The following WDR35 variants were observed in gnomAD, a reference collection of about 807,000 sequenced individuals.
The protein encoded by WDR35 is WD repeat domain 35.
A neutral mutation model predicts 158.3 loss-of-function variants in WDR35; 118 were observed. The observed-to-expected ratio is 0.75, with a 90% CI of 0.64 to 0.87. The LOEUF is 0.87. Among genes scored for constraint, WDR35 ranks in the 40% least tolerant of loss-of-function variants. WDR35 has a pLI of 0.00. For missense variants in WDR35, 1,263 were observed against 1,405.8 expected (o/e 0.90, Z 1.62); for synonymous variants, 448 against 476.1 (o/e 0.94, Z 0.77).
In WDR35 at chr2:19,953,933, G is replaced by A. The variant is rs368497711; in HGVS notation, c.1301C>T (p.Ser434Leu). 4.8e-5 allele frequency: 77 copies of A among 1,614,044 alleles called. No individual in the cohort carries two copies. The highest frequency in any genetic ancestry group is 6.1e-5 in the Non-Finnish European group (72 of 1,179,996). ...TTGCCAGGTATAAAATGCTTCTTTC[G>A]AGGCTGCTATCACATGGGTTTTGGT... ...AMTKTHVIAA[S>L]KEAFYTWQYR... The change falls in exon 12 of 27, where the codon TCG becomes TTG. Residue 434 changes from serine (S) to leucine (L), a missense_variant. Ser to Leu is a moderately radical substitution (Grantham distance 145). Transcript: ENST00000281405.
At chr2:19,989,075 C>T in intron 2 of WDR35, 90 bp downstream of exon 2, 1 of 1,114,584 alleles carries the variant, frequency 9.0e-7, no homozygotes, top group African/African-American at 1.5e-5. Context: ...ATAATCAGAA[C>T]TGCATATTGA....
At position 19,966,723 on chromosome 2, in the gene WDR35, C is replaced by T. The variant is rs771895384; in HGVS notation, c.1194+1G>A. On this transcript the variant is annotated splice_donor_variant, in intron 10 of 26. Coordinates refer to ENST00000281405, the MANE Select transcript of WDR35 (RefSeq NM_020779.4). LOFTEE classifies it high-confidence loss of function. ...GTCTTAAGATATCAAGAAACACCTA[C>T]CTGAGGATGATTTTCATCAGCTTTT... is the stretch of plus-strand genomic sequence containing the variant. 7 of 1,613,428 alleles carry T rather than the reference C, an allele frequency of 4.3e-6. No individual in the cohort carries two copies. The highest frequency in any genetic ancestry group is 1.3e-5 in the African/African-American group (1 of 74,906).
At chr2:19,989,330 G>T in intron 1 of WDR35, 48 bp from the exon 2 acceptor site, 1 of 1,475,226 alleles carries the variant, frequency 6.8e-7, no homozygotes, top group Non-Finnish European at 9.5e-7. Context: ...CGAAGGAGCT[G>T]GGAAGTAAGT....
At chr2:19,950,018 GA>G (rs958834050) in intron 13 of WDR35, among the ~76,000 whole-genome samples, 6 of 152,078 alleles carry the variant, frequency 3.9e-5, no homozygotes, top group African/African-American at 1.4e-4. Flanking sequence ...TTCAGAAATT[GA>G]AAAAACTCAA....
chr2:19,952,781 CTT>C (rs773596785), intron 12 of WDR35, among the ~76,000 whole-genome samples: 49 of 86,274 alleles, frequency 5.7e-4, no homozygotes, highest in African/African-American at 2.0e-3. Context: ...ACTCAACATA[CTT>C]TTTTTTTTTT....
intron 2 of WDR35, among the ~76,000 whole-genome samples, chr2:19,984,024 TATATATATATATATATAC>T (rs1327852706): frequency 4.7e-3 from 16 of 3,384 alleles, no homozygotes; most frequent in South Asian, 0.025. Context: ...TATATATATA[TATATATATATATATATAC>T]ATATATACAC....
intron 13 of WDR35, among the ~76,000 whole-genome samples, chr2:19,950,287 T>A (rs1423031752): frequency 2.0e-5 from 3 of 152,060 alleles, no homozygotes; most frequent in Non-Finnish European, 4.4e-5. Context: ...AAATATTAAA[T>A]GTAATGTGTA....
chr2:19,961,744 A>C (rs1671667756), intron 10 of WDR35, among the ~76,000 whole-genome samples: 1 of 152,206 alleles, frequency 6.6e-6, no homozygotes, highest in East Asian at 1.9e-4. Flanking sequence ...TGAAGGGCCA[A>C]AGGACAATAA....
chr2:19,971,989 AC>A (rs1672049645), intron 8 of WDR35, among the ~76,000 whole-genome samples: 1 of 152,190 alleles, frequency 6.6e-6, no homozygotes, highest in African/African-American at 2.4e-5. Flanking sequence ...GTCAAACTAC[AC>A]TGTGGAAAAT....
chr2:19,939,419 G>T (rs377054447), intron 17 of WDR35, among the ~76,000 whole-genome samples: 2 of 151,930 alleles, frequency 1.3e-5, no homozygotes. Context: ...ATAACTACCT[G>T]GTTTTTCATA....
rs527842645 is a variant in WDR35 at position 19,915,210 on chromosome 2, T to C, written c.3122-933A>G. Among the ~76,000 whole-genome samples, 5 of 152,250 alleles carry C rather than the reference T, an allele frequency of 3.3e-5. No individual in the cohort carries two copies. In the East Asian group the frequency reaches 9.6e-4, roughly 29 times the overall value. On this transcript the variant is annotated intron_variant, in intron 25 of 26. Transcript: ENST00000281405. ...TACTTTGTTATAGTATATCAAAAACTTCATAAAACCAGTTTAAACAATATA... is the reference window on the plus strand; with the variant it reads ...TACTTTGTTATAGTATATCAAAAACCTCATAAAACCAGTTTAAACAATATA...
intron 13 of WDR35, among the ~76,000 whole-genome samples, chr2:19,948,911 C>T (rs1294593453): frequency 2.0e-5 from 3 of 149,954 alleles, no homozygotes; most frequent in Non-Finnish European, 4.4e-5. Context: ...AAGACTCTGT[C>T]TCAAAAAAAA....
Position 19,932,402 on chromosome 2 carries a change from T to C in WDR35, c.2704A>G (p.Ile902Val). Residue 902 changes from isoleucine (I) to valine (V), a missense_variant, in exon 23 of 27, where the codon ATT becomes GTT. Physicochemically the swap from Ile to Val is conservative, Grantham distance 29. Transcript: ENST00000281405. The part of the protein sequence containing the change: ...ELAKNHSMKE[I>V]GSLLARYASH... ...GCATACCTAGCTAACAGAGATCCAA[T>C]TTCTTTCATACTATGATTTTTAGCC... The C allele has an allele frequency of 6.2e-7, 1 of 1,613,360 alleles. No individual in the cohort carries two copies. Among genetic ancestry groups the C allele is most frequent in the Non-Finnish European group, 8.5e-7 (1 of 1,179,554 alleles).
rs1228739567 is a variant in WDR35, at chr2:19,966,878, G to T, written c.1040C>A (p.Ala347Glu). 6.2e-7 allele frequency: 1 copy of T among 1,613,828 alleles called. No individual in the cohort carries two copies. The highest frequency in any genetic ancestry group is 8.5e-7 in the Non-Finnish European group (1 of 1,179,876). ...WGYCSNTVVY[A>E]YTRPDRPEYC... ...TTCTGGACGATCAGGTCTGGTATAT[G>T]CATAAACTACAGTGTTTGAGCAATA... The change falls in exon 10 of 27, where the codon GCA becomes GAA. Residue 347 changes from alanine (A) to glutamate (E), a missense_variant. Transcript: ENST00000281405.
Position 19,930,447 on chromosome 2 carries a change from G to A in WDR35, c.3070C>T (p.Leu1024Phe). ...RGAEAYHFFILAQRQLYEGCV... is the reference protein window; with the variant it reads ...RGAEAYHFFIFAQRQLYEGCV... ...CCCTCATAGAGCTGCCTCTGTGCAA[G>A]TATAAAGAAGTGGTAAGCCTCTGCC... The change falls in exon 25 of 27, where the codon CTT becomes TTT. Residue 1024 changes from leucine to phenylalanine, a missense_variant. Leu to Phe is a conservative substitution (Grantham distance 22, BLOSUM62 0). Transcript: ENST00000281405. 1.2e-6 allele frequency: 2 copies of A among 1,614,140 alleles called. No individual in the cohort carries two copies. Among genetic ancestry groups the A allele is most frequent in the Non-Finnish European group, 1.7e-6 (2 of 1,180,010 alleles).
chr2:19,973,870 G>A (rs1385052837), intron 7 of WDR35, among the ~76,000 whole-genome samples, 162 bp from the exon 8 acceptor site: 1 of 152,252 alleles, frequency 6.6e-6, no homozygotes, highest in Non-Finnish European at 1.5e-5. Flanking sequence ...CACTTTAGGA[G>A]GCTGAGGCGG....
rs1180420413 is a variant in WDR35, at chr2:19,953,989, T to C, written c.1256-11A>G. The C allele has an allele frequency of 1.2e-6, 2 of 1,613,900 alleles. No individual in the cohort carries two copies. Among genetic ancestry groups the C allele is most frequent in the Admixed American group, 3.3e-5 (2 of 60,004 alleles). On this transcript the variant is annotated splice_polypyrimidine_tract_variant and intron_variant, in intron 11 of 26. Coordinates refer to ENST00000281405, the MANE Select transcript of WDR35 (RefSeq NM_020779.4). ...CAACAAACAATGGTACTGTTAAAAA[T>C]AACATTAAGATAATTTACAGTTACA...
chr2:19,949,712 A>G (rs1465601976), intron 13 of WDR35, among the ~76,000 whole-genome samples: 1 of 152,234 alleles, frequency 6.6e-6, no homozygotes, highest in Non-Finnish European at 1.5e-5. Flanking sequence ...TATTGCAGTG[A>G]CCTAGGCAGA....
rs1264147072 is a variant in WDR35, at chr2:19,952,812, G to T, written c.1400+1022C>A. 4.4e-5 allele frequency among the ~76,000 whole-genome samples: 5 copies of T among 112,670 alleles called. No individual in the cohort carries two copies. The Admixed American group carries it at 5.7e-4, about 13-fold the overall frequency. 73.9% of individuals were successfully genotyped at this position (112,670 alleles called of 152,430 possible). A position where few individuals can be genotyped will look rare whatever the true frequency, so the allele number is the denominator to read the frequency against. On this transcript the variant is annotated intron_variant, in intron 12 of 26. Coordinates refer to ENST00000281405, the MANE Select transcript of WDR35 (RefSeq NM_020779.4). Reference sequence around the variant, plus strand: ...TTTTTTTTTTTTTTTTTTTTGAGACGGAGTCTCGCTCTGTCGCCCAGGCTG... The same window carrying T: ...TTTTTTTTTTTTTTTTTTTTGAGACTGAGTCTCGCTCTGTCGCCCAGGCTG...
Sources: allele counts gnomAD v4.1 joint callset (sites outside exome capture counted in the v4.1 genomes callset), GRCh38; gene constraint gnomAD v4.1.1; transcripts MANE v1.5; gene names NCBI Gene and HGNC (gene_info 2026-07-23, HGNC 2026-07-21).